ORC3: variants seen among roughly 807,000 people sequenced by gnomAD.
ORC3 encodes homolog of latheo, Drosophila.
A neutral mutation model predicts 100.7 loss-of-function variants in ORC3; 78 were observed. The ratio of observed to expected loss-of-function variants is 0.77; its 90% CI spans 0.65 to 0.94. The LOEUF (loss-of-function observed/expected upper bound fraction) is 0.94, where lower values mean the gene tolerates loss of function less well. Ranked by LOEUF, ORC3 falls within the 40% of genes least tolerant of loss-of-function variation. The probability of loss-of-function intolerance (pLI) is 0.00; values close to 1 mark genes in which losing one functional copy is unlikely to be tolerated. For synonymous variants in ORC3, 295 were observed against 289.3 expected (o/e 1.02, Z -0.20); for missense variants, 789 against 823.9 (o/e 0.96, Z 0.52).
intron 7 of ORC3, among the ~76,000 whole-genome samples, chr6:87,609,700 C>T (rs1365299088): frequency 1.3e-5 from 2 of 151,810 alleles, no homozygotes; most frequent in Non-Finnish European, 2.9e-5. Context: ...TACAGGTGCC[C>T]ACCACCACAC....
intron 11 of ORC3, among the ~76,000 whole-genome samples, chr6:87,627,078 AC>A (rs1291046723): frequency 3.3e-5 from 5 of 151,384 alleles, no homozygotes; most frequent in African/African-American, 1.2e-4. Context: ...GCTCACTGCA[AC>A]CTCCACCTCC....
chr6:87,619,523 C>T (rs1211960271), intron 9 of ORC3, among the ~76,000 whole-genome samples: 1 of 152,196 alleles, frequency 6.6e-6, no homozygotes, highest in African/African-American at 2.4e-5. Context: ...TCTCCTGCCT[C>T]AGCCTCCTGA....
chr6:87,666,967 C>A, intron 19 of ORC3, 51 bp from the exon 20 acceptor site: 1 of 1,056,600 alleles, frequency 9.5e-7, no homozygotes, highest in Non-Finnish European at 1.4e-6. Flanking sequence ...GATTTTAATC[C>A]CTTTTTGTCA....
chr6:87,594,954 G>A (rs1451139168), intron 2 of ORC3, among the ~76,000 whole-genome samples: 3 of 152,128 alleles, frequency 2.0e-5, no homozygotes, highest in Admixed American at 2.0e-4. Context: ...TTCATGGGGA[G>A]ACTTAAATAT....
the ORC3 span, among the ~76,000 whole-genome samples, chr6:87,676,275 T>G: frequency 6.7e-6 from 1 of 149,870 alleles, no homozygotes; most frequent in Non-Finnish European, 1.5e-5. Context: ...CCATCCTGGC[T>G]AACACGGTGA....
chr6:87,635,577 G>C (rs919462520), intron 12 of ORC3, among the ~76,000 whole-genome samples: 1 of 152,042 alleles, frequency 6.6e-6, no homozygotes, highest in Non-Finnish European at 1.5e-5. Context: ...CAGGTGGTTC[G>C]CCTGAGGTCA....
intron 8 of ORC3, among the ~76,000 whole-genome samples, chr6:87,613,537 A>G (rs952459772): frequency 6.6e-6 from 1 of 152,156 alleles, no homozygotes; most frequent in Non-Finnish European, 1.5e-5. Context: ...CATTAACTCA[A>G]TAGTCCACAG....
At chr6:87,660,363 T>TA (rs1770088480) in intron 16 of ORC3, among the ~76,000 whole-genome samples, 1 of 152,250 alleles carries the variant, frequency 6.6e-6, no homozygotes, top group Admixed American at 6.5e-5. Flanking sequence ...GTCAGCCCTG[T>TA]GGCAGCTAAA....
intron 8 of ORC3, among the ~76,000 whole-genome samples, 158 bp downstream of exon 8, chr6:87,612,406 G>A (rs945949847): frequency 6.6e-6 from 1 of 152,026 alleles, no homozygotes; most frequent in Non-Finnish European, 1.5e-5. Context: ...AATAATTTTT[G>A]TAGTGTTTTA....
intron 18 of ORC3, among the ~76,000 whole-genome samples, chr6:87,665,063 C>G (rs907151898): frequency 6.6e-6 from 1 of 152,190 alleles, no homozygotes; most frequent in Admixed American, 6.5e-5. Context: ...ATCCCCTGCC[C>G]TCTGATCCTG....
chr6:87,608,603 A>G (rs1429332958), intron 6 of ORC3, among the ~76,000 whole-genome samples: 1 of 152,196 alleles, frequency 6.6e-6, no homozygotes, highest in East Asian at 1.9e-4. Context: ...CTTTCCAGAT[A>G]AAATGCTACT....
At chr6:87,649,246 A>G (rs571790394) in intron 13 of ORC3, among the ~76,000 whole-genome samples, 1 of 152,296 alleles carries the variant, frequency 6.6e-6, no homozygotes, top group African/African-American at 2.4e-5. Flanking sequence ...TCCCTGTGAC[A>G]TAACAAACAC....
Position 87,665,742 on chromosome 6 carries a change from T to A in ORC3, c.1951-12T>A, listed in dbSNP as rs772766832. 1 of 1,576,230 alleles carries A rather than the reference T, an allele frequency of 6.3e-7. No homozygotes were observed. Among genetic ancestry groups the A allele is most frequent in the Admixed American group, 1.7e-5 (1 of 59,818 alleles). On this transcript the variant is annotated splice_polypyrimidine_tract_variant and intron_variant, in intron 18 of 19. Coordinates refer to ENST00000392844, the MANE Select transcript of ORC3 (RefSeq NM_012381.4). ...GACATTTTTATTTTCTTCTGTCTTG[T>A]CTATTCAAAAGGCTTTTGCAACAGT...
chr6:87,636,221 C>T (rs1767815105), intron 12 of ORC3, among the ~76,000 whole-genome samples, 186 bp from the exon 13 acceptor site: 1 of 152,104 alleles, frequency 6.6e-6, no homozygotes. Flanking sequence ...CGTGAGCCAC[C>T]GCGCCTGGCC....
chr6:87,603,479 G>A lies in ORC3; in HGVS notation c.273G>A (p.Leu91=). The change falls in exon 4 of 20, where the codon TTG becomes TTA. Residue 91 remains leucine (L), a synonymous_variant. Coordinates refer to ENST00000392844, the MANE Select transcript of ORC3 (RefSeq NM_012381.4). ...HSGFQKNSRD[L]GGQIKLREIP... Reference sequence around the variant, plus strand: ...GATTCCAGAAGAATTCAAGAGACTTGGGCGGTCAAATAAAACTCAGAGAAA... The same window carrying A: ...GATTCCAGAAGAATTCAAGAGACTTAGGCGGTCAAATAAAACTCAGAGAAA... 6.5e-7 allele frequency: 1 copy of A among 1,531,032 alleles called. No individual in the cohort carries two copies. The highest frequency in any genetic ancestry group is 8.9e-7 in the Non-Finnish European group (1 of 1,121,982). The allele number at this position is 1,531,032 out of a possible 1,614,324, so 94.8% of individuals were successfully genotyped here.
chr6:87,597,668 G>GATAT (rs71021303), intron 2 of ORC3, among the ~76,000 whole-genome samples: 3 of 142,374 alleles, frequency 2.1e-5, no homozygotes, highest in African/African-American at 8.0e-5. Context: ...TTTAAGTAAT[G>GATAT]ATATATATAT....
chr6:87,631,652 C>T (rs60316099), intron 11 of ORC3, among the ~76,000 whole-genome samples: 16,307 of 151,828 alleles, frequency 0.11, 927 homozygotes, highest in East Asian at 0.15. Flanking sequence ...GCCACCACAC[C>T]CAGCTAATTT....
intron 11 of ORC3, 90 bp downstream of exon 11, chr6:87,622,103 A>G (rs28381504): frequency 0.051 from 42,903 of 841,652 alleles, 1,253 homozygotes; most frequent in East Asian, 0.067. Flanking sequence ...AATAAAACAT[A>G]TTTGTGCATC....
intron 14 of ORC3, among the ~76,000 whole-genome samples, chr6:87,653,826 C>T (rs1213845204): frequency 6.6e-6 from 1 of 152,186 alleles, no homozygotes; most frequent in Non-Finnish European, 1.5e-5. Context: ...TGGAGGGTTA[C>T]AGTTTCTCTC....
Sources: gnomAD v4.1 joint callset for allele counts (sites outside exome capture counted in the v4.1 genomes callset) on GRCh38, gnomAD v4.1.1 for gene constraint, MANE v1.5 for transcripts, NCBI Gene and HGNC (gene_info 2026-07-23, HGNC 2026-07-21) for gene names.